The following PHACTR2 variants were observed in gnomAD, a reference collection of about 807,000 sequenced individuals.
PHACTR2 encodes the protein chromosome 6 open reading frame 56.
In PHACTR2, 30 loss-of-function variants were observed where a neutral mutation model predicts 76.0. The observed-to-expected ratio is 0.39, with a 90% CI of 0.30 to 0.54. PHACTR2 has a LOEUF of 0.54. PHACTR2 is among the 20% of genes least tolerant of loss of function. PHACTR2 has a pLI of 0.61. For missense variants in PHACTR2, 696 were observed against 781.1 expected (o/e 0.89, Z 1.30); for synonymous variants, 292 against 292.5 (o/e 1.00, Z 0.02).
chr6:143,790,105 G>A (rs1276231332), intron 11 of PHACTR2, among the ~76,000 whole-genome samples: 1 of 152,168 alleles, frequency 6.6e-6, no homozygotes, highest in East Asian at 1.9e-4. Context: ...CTGATGGGTG[G>A]AAGCCTGTGG....
At chr6:143,540,305 G>A (rs1781160698) in intron 1 of PHACTR2, among the ~76,000 whole-genome samples, 1 of 152,128 alleles carries the variant, frequency 6.6e-6, no homozygotes, top group Non-Finnish European at 1.5e-5. Context: ...AGAAGAGGAA[G>A]GGGAAGAAAG....
At chr6:143,715,956 C>T (rs1004376825) in intron 2 of PHACTR2, among the ~76,000 whole-genome samples, 3 of 152,164 alleles carry the variant, frequency 2.0e-5, no homozygotes, top group South Asian at 2.1e-4. Flanking sequence ...ATTAGTGCAA[C>T]GTAGCTTTTT....
intron 1 of PHACTR2, among the ~76,000 whole-genome samples, chr6:143,586,767 G>GGTAAACT (rs1462805351): frequency 2.6e-5 from 4 of 152,214 alleles, no homozygotes; most frequent in African/African-American, 7.2e-5. Context: ...CCATGGTACT[G>GGTAAACT]GTAAACTGAC....
At position 143,546,853 on chromosome 6, in the gene PHACTR2, C is replaced by T. The variant is rs1775008034; in HGVS notation, c.217+9646C>T. ...CAAGCCTGGGCAACATAGTGAGACC[C>T]CATCTCAAAAAAAAAAAAAATAAAA... is the stretch of plus-strand genomic sequence containing the variant. On this transcript the variant is annotated intron_variant, in intron 1 of 11. Coordinates refer to the PHACTR2 transcript ENST00000367584. The surrounding 1 kb of genome is among the most constrained non-coding windows in gnomAD (Gnocchi z 4.9). Among the ~76,000 whole-genome samples, 1 of 128,116 alleles carries T rather than the reference C, an allele frequency of 7.8e-6. No individual in the cohort carries two copies. The highest frequency in any genetic ancestry group is 2.6e-4 in the South Asian group (1 of 3,914). The allele number at this position is 128,116 out of a possible 152,430, so 84.0% of individuals were successfully genotyped here.
rs1775773931 is a variant in PHACTR2 at position 143,598,097 on chromosome 6, CA to C, written c.217+60896del. 6.6e-6 allele frequency among the ~76,000 whole-genome samples: 1 copy of C among 151,908 alleles called. No homozygotes were observed. Among genetic ancestry groups the C allele is most frequent in the South Asian group, 2.1e-4 (1 of 4,822 alleles). On this transcript the variant is annotated intron_variant, in intron 1 of 11. Coordinates refer to the PHACTR2 transcript ENST00000367584. The surrounding 1 kb of genome is among the most constrained non-coding windows in gnomAD (Gnocchi z 4.1). Reference sequence around the variant, plus strand: ...GGTCGAAGAATGCCCCCCGCGCCCCCAAAAAAGAACCATATCTTAACCCCTT... The same window carrying C: ...GGTCGAAGAATGCCCCCCGCGCCCCCAAAAAGAACCATATCTTAACCCCTT...
intron 2 of PHACTR2, among the ~76,000 whole-genome samples, chr6:143,729,040 CAG>C (rs1234971517): frequency 1.3e-5 from 2 of 152,094 alleles, no homozygotes; most frequent in Non-Finnish European, 2.9e-5. Flanking sequence ...AAGCAGTCAA[CAG>C]AGTGAAGAGA....
At chr6:143,763,791 A>G (rs1264602613) in intron 5 of PHACTR2, among the ~76,000 whole-genome samples, 1 of 152,252 alleles carries the variant, frequency 6.6e-6, no homozygotes, top group South Asian at 2.1e-4. Context: ...TGACTTCAAT[A>G]AAGTCATAAC....
At chr6:143,724,205 G>A (rs757234783) in intron 2 of PHACTR2, among the ~76,000 whole-genome samples, 48 of 151,884 alleles carry the variant, frequency 3.2e-4, no homozygotes, top group Non-Finnish European at 5.9e-4. Flanking sequence ...GCACGATCTC[G>A]GCTCACCGCA....
Position 143,671,266 on chromosome 6 carries a change from G to A in PHACTR2, c.14-40750G>A, listed in dbSNP as rs1207126429. Among the ~76,000 whole-genome samples the A allele has an allele frequency of 6.6e-6, 1 of 152,044 alleles. No individual in the cohort carries two copies. The highest frequency in any genetic ancestry group is 1.5e-5 in the Non-Finnish European group (1 of 68,008). On this transcript the variant is annotated intron_variant, in intron 1 of 11. Coordinates refer to the PHACTR2 transcript ENST00000305766. The surrounding 1 kb of genome is among the most constrained non-coding windows in gnomAD (Gnocchi z 4.6). ...ATAGTTAACTGCAAGGTCCTATGTG[G>A]TTATAATCTCCTTCTCCTCATCTTT... is the stretch of plus-strand genomic sequence containing the variant.
intron 1 of PHACTR2, chr6:143,711,160 G>T: frequency 2.5e-6 from 1 of 395,188 alleles, no homozygotes; most frequent in Non-Finnish European, 4.9e-6. Flanking sequence ...TTCTTCTCAG[G>T]TTATTTCTGC....
rs1582846570 is a variant in PHACTR2, at chr6:143,757,385, G to C, written c.455-3016G>C. Among the ~76,000 whole-genome samples the C allele has an allele frequency of 6.6e-6, 1 of 152,220 alleles. No homozygotes were observed. Among genetic ancestry groups the C allele is most frequent in the Non-Finnish European group, 1.5e-5 (1 of 68,042 alleles). On this transcript the variant is annotated intron_variant, in intron 4 of 12. Transcript: ENST00000440869. This position sits in a 1 kb window ranked among gnomAD's most constrained non-coding sequence, Gnocchi z 4.2. Reference sequence around the variant, plus strand: ...CAGTGAGGGCCAACATTGGTTCTCAGAGGAAGATATTTATGAACTAAGACA... The same window carrying C: ...CAGTGAGGGCCAACATTGGTTCTCACAGGAAGATATTTATGAACTAAGACA...
rs1778153963 is a variant in PHACTR2 at position 143,710,661 on chromosome 6, C to T, written c.47-1355C>T. Among the ~76,000 whole-genome samples, 1 of 152,316 alleles carries T rather than the reference C, an allele frequency of 6.6e-6. No homozygotes were observed. Among genetic ancestry groups the T allele is most frequent in the African/African-American group, 2.4e-5 (1 of 41,566 alleles). On this transcript the variant is annotated intron_variant, in intron 1 of 12. Transcript: ENST00000440869. This position sits in a 1 kb window ranked among gnomAD's most constrained non-coding sequence, Gnocchi z 4.9. ...GCAGTGAGCTGAGATCGCGCCACTG[C>T]ACTCCAGCCTGGGCGACAGAGCAAG... is the stretch of plus-strand genomic sequence containing the variant.
intron 1 of PHACTR2, among the ~76,000 whole-genome samples, chr6:143,622,359 T>C (rs931179360): frequency 3.3e-5 from 5 of 152,142 alleles, no homozygotes; most frequent in Non-Finnish European, 4.4e-5. Context: ...CCAAGTACTG[T>C]GTGTTCCTGC....
At position 143,821,674 on chromosome 6, in the gene PHACTR2, C is replaced by T. The variant is rs1483214513; in HGVS notation, c.1923-2000C>T. On this transcript the variant is annotated intron_variant, in intron 12 of 12. Transcript: ENST00000440869. The surrounding 1 kb of genome is among the most constrained non-coding windows in gnomAD (Gnocchi z 5.2). ...ACTCACAGAGTGAGACTGCATAAAG[C>T]GCAGATGGTAAGAGAGATAAAGGTA... Among the ~76,000 whole-genome samples, 3 of 152,140 alleles carry T rather than the reference C, an allele frequency of 2.0e-5. No individual in the cohort carries two copies. Among genetic ancestry groups the T allele is most frequent in the Admixed American group, 1.3e-4 (2 of 15,282 alleles).
chr6:143,553,012 G>A lies in PHACTR2; in HGVS notation c.217+15805G>A, dbSNP rs578016377. ...TGTCCAGCTGCCTGTCACTTGCCAG[G>A]TATTTAAGGAGTGAAATGAGCAATG... On this transcript the variant is annotated intron_variant, in intron 1 of 11. Coordinates refer to the PHACTR2 transcript ENST00000367584. This position sits in a 1 kb window ranked among gnomAD's most constrained non-coding sequence, Gnocchi z 4.2. Among the ~76,000 whole-genome samples the A allele has an allele frequency of 6.6e-6, 1 of 152,142 alleles. No homozygotes were observed. Among genetic ancestry groups the A allele is most frequent in the African/African-American group, 2.4e-5 (1 of 41,520 alleles).
intron 6 of PHACTR2, among the ~76,000 whole-genome samples, chr6:143,771,637 A>G (rs1295226376): frequency 2.0e-5 from 3 of 151,618 alleles, no homozygotes; most frequent in East Asian, 3.9e-4. Context: ...AAGGTCCCCT[A>G]TGTTGCCCAG....
chr6:143,735,655 A>C (rs1485059037), intron 2 of PHACTR2, among the ~76,000 whole-genome samples: 2 of 151,632 alleles, frequency 1.3e-5, no homozygotes, highest in Non-Finnish European at 2.9e-5. Flanking sequence ...AATCAAATGC[A>C]AAACATTATT....
chr6:143,628,172 G>A (rs559463280), intron 1 of PHACTR2, among the ~76,000 whole-genome samples: 4 of 152,104 alleles, frequency 2.6e-5, no homozygotes, highest in Non-Finnish European at 5.9e-5. Flanking sequence ...GATGTACCAC[G>A]TTTTGTTTCT....
At position 143,571,584 on chromosome 6, in the gene PHACTR2, A is replaced by T. The variant is rs9390107; in HGVS notation, c.217+34377A>T. Among the ~76,000 whole-genome samples the T allele has an allele frequency of 0.61, 90,340 of 149,030 alleles. 27,489 individuals are homozygous for T. Among genetic ancestry groups the T allele is most frequent in the Middle Eastern group, 0.72 (210 of 290 alleles). ...CTGCCACACCTGGTTAATTTTTTTT[A>T]AAATTTTTTTATAGAGATGAGGTCT... On this transcript the variant is annotated intron_variant, in intron 1 of 11. Transcript: ENST00000367584. The surrounding 1 kb of genome is among the most constrained non-coding windows in gnomAD (Gnocchi z 4.6).
Sources: allele counts gnomAD v4.1 joint callset (sites outside exome capture counted in the v4.1 genomes callset), GRCh38; gene constraint gnomAD v4.1.1; non-coding constraint Gnocchi (gnomAD v3.1); transcripts MANE v1.5; gene names NCBI Gene and HGNC (gene_info 2026-07-23, HGNC 2026-07-21).